KNL1: variants seen among roughly 807,000 people sequenced by gnomAD.
KNL1 encodes outer kinetochore KNL1 complex subunit KNL1.
KNL1 carries 66 observed loss-of-function variants against 201.3 expected under a neutral mutation model. The observed-to-expected ratio is 0.33, with a 90% CI of 0.27 to 0.40. The LOEUF is 0.40. KNL1 is among the 10% of genes least tolerant of loss of function. The probability of loss-of-function intolerance (pLI) is 1.00; values close to 1 mark genes in which losing one functional copy is unlikely to be tolerated. For missense variants in KNL1, 2,815 were observed against 2,690.5 expected (o/e 1.05, Z -1.02); for synonymous variants, 895 against 899.2 (o/e 1.00, Z 0.08).
At chr15:40,659,932 G>GTGTGTGTGTGT (rs1555423685) in intron 25 of KNL1, among the ~76,000 whole-genome samples, 1 of 147,240 alleles carries the variant, frequency 6.8e-6, no homozygotes, top group Non-Finnish European at 1.5e-5. Context: ...GTGTGTTTGA[G>GTGTGTGTGTGT]ATGGAGTCTC....
intron 20 of KNL1, 68 bp from the exon 21 acceptor site, chr15:40,651,937 G>A: frequency 1.0e-6 from 1 of 979,860 alleles, no homozygotes; most frequent in Non-Finnish European, 1.6e-6. Context: ...TGTTTGGGTG[G>A]TATCAGAAGT....
intron 14 of KNL1, among the ~76,000 whole-genome samples, chr15:40,642,260 G>A (rs1338676643): frequency 2.0e-5 from 3 of 151,958 alleles, no homozygotes; most frequent in African/African-American, 4.8e-5. Context: ...TTAGCCGGGC[G>A]CGGTAGCAGG....
rs879381849 is a variant in KNL1 at position 40,602,193 on chromosome 15, AT to A, written c.-17-709del. On this transcript the variant is annotated intron_variant, in intron 1 of 25. Transcript: ENST00000399668. ...AGGCGCCCGCCACCGCGCCCAGCTA[AT>A]TTTTTTTTTTTTCTATTTTTAGTAG... 1.0e-3 allele frequency among the ~76,000 whole-genome samples: 144 copies of A among 141,004 alleles called. 1 individual carries two copies. Among genetic ancestry groups the A allele is most frequent in the Middle Eastern group, 7.5e-3 (2 of 268 alleles). The allele number at this position is 141,004 out of a possible 152,430, so 92.5% of individuals were successfully genotyped here.
At chr15:40,653,349 C>T (rs545890239) in intron 21 of KNL1, among the ~76,000 whole-genome samples, 58 of 152,164 alleles carry the variant, frequency 3.8e-4, no homozygotes, top group Middle Eastern at 6.8e-3. Flanking sequence ...CCACCACACC[C>T]GGCTAATTTT....
chr15:40,627,302 C>G (rs1351244604), intron 10 of KNL1, among the ~76,000 whole-genome samples: 1 of 152,152 alleles, frequency 6.6e-6, no homozygotes, highest in Non-Finnish European at 1.5e-5. Flanking sequence ...ATCACGAGAT[C>G]AGGAGATCAA....
At chr15:40,659,622 A>G (rs1460790699) in intron 25 of KNL1, among the ~76,000 whole-genome samples, 161 bp downstream of exon 25, 2 of 151,584 alleles carry the variant, frequency 1.3e-5, no homozygotes, top group African/African-American at 4.8e-5. Flanking sequence ...CCTCCTGAGT[A>G]GCTGGGACTA....
intron 21 of KNL1, among the ~76,000 whole-genome samples, chr15:40,654,048 T>C (rs1893649270): frequency 6.6e-6 from 1 of 152,178 alleles, no homozygotes; most frequent in Non-Finnish European, 1.5e-5. Flanking sequence ...TCTCCCTGAG[T>C]TGTAAGCTTG....
intron 12 of KNL1, among the ~76,000 whole-genome samples, 173 bp downstream of exon 12, chr15:40,628,851 A>G (rs1316162977): frequency 6.6e-6 from 1 of 152,162 alleles, no homozygotes; most frequent in Non-Finnish European, 1.5e-5. Flanking sequence ...AATTAATTAA[A>G]TGGAGTAGAA....
At chr15:40,646,778 A>T (rs1360839946) in intron 16 of KNL1, 2 of 308,976 alleles carry the variant, frequency 6.5e-6, no homozygotes, top group Admixed American at 1.0e-4. Context: ...AATGGCATGA[A>T]CCCGGGAGGC....
chr15:40,625,056 C>A lies in KNL1; in HGVS notation c.4792C>A (p.His1598Asn). ...ELGNKAHNDM[H>N]IVQATEIHNI... is the part of the protein sequence containing the mutation. ...AGGAAATAAGGCACACAATGATATG[C>A]ATATAGTGCAAGCTACAGAAATACA... is the stretch of plus-strand genomic sequence containing the variant. Residue 1598 changes from histidine (H) to asparagine (N), a missense_variant, in exon 10 of 26, where the codon CAT (histidine) becomes AAT (asparagine). His to Asn is a moderately conservative substitution (Grantham distance 68). Transcript: ENST00000399668. 6.2e-7 allele frequency: 1 copy of A among 1,613,640 alleles called. No individual in the cohort carries two copies. The highest frequency in any genetic ancestry group is 8.5e-7 in the Non-Finnish European group (1 of 1,179,738).
chr15:40,614,256 C>G (rs1332241243), intron 7 of KNL1, among the ~76,000 whole-genome samples: 1 of 152,116 alleles, frequency 6.6e-6, no homozygotes, highest in African/African-American at 2.4e-5. Context: ...CACCACCACG[C>G]CCAGCCAATT....
intron 16 of KNL1, 41 bp downstream of exon 16, chr15:40,645,813 T>A: frequency 9.6e-7 from 1 of 1,038,158 alleles, no homozygotes; most frequent in Non-Finnish European, 1.4e-6. Flanking sequence ...AGAGAGATAT[T>A]AAAATTACTT....
intron 14 of KNL1, among the ~76,000 whole-genome samples, chr15:40,644,686 A>G (rs1407147124): frequency 6.6e-6 from 1 of 152,108 alleles, no homozygotes; most frequent in African/African-American, 2.4e-5. Context: ...ACTAGAGAAT[A>G]GCGATGACTT....
Position 40,651,583 on chromosome 15 carries a change from G to T in KNL1, c.6314+11G>T, listed in dbSNP as rs745708260. On this transcript the variant is annotated intron_variant, in intron 20 of 25. Coordinates refer to ENST00000399668, the MANE Select transcript of KNL1 (RefSeq NM_144508.5). ...ACTGGATCAGTTGAGGTAAGGAAATGCAGGCATCATTTGTTTGTGTTTTAT... is the reference window on the plus strand; with the variant it reads ...ACTGGATCAGTTGAGGTAAGGAAATTCAGGCATCATTTGTTTGTGTTTTAT... 6 of 1,551,156 alleles carry T rather than the reference G, an allele frequency of 3.9e-6. No homozygotes were observed. Among genetic ancestry groups the T allele is most frequent in the African/African-American group, 1.4e-5 (1 of 72,750 alleles).
chr15:40,634,670 C>G (rs981128784), intron 13 of KNL1, among the ~76,000 whole-genome samples: 1 of 151,942 alleles, frequency 6.6e-6, no homozygotes, highest in African/African-American at 2.4e-5. Context: ...AGGTGTGCAT[C>G]CAGGGGCTGA....
At chr15:40,597,153 G>T (rs1179869596) in intron 1 of KNL1, among the ~76,000 whole-genome samples, 1 of 152,130 alleles carries the variant, frequency 6.6e-6, no homozygotes, top group East Asian at 1.9e-4. Context: ...CAGAACTGCT[G>T]TGCATCTCTC....
chr15:40,645,685 A>T lies in KNL1; in HGVS notation c.5919A>T (p.Lys1973Asn). Residue 1973 changes from lysine (K) to asparagine (N), a missense_variant, in exon 16 of 26, where the codon AAA becomes AAT. Around this residue, in one of 3 missense-constraint regions of KNL1, gnomAD observed 17 missense variants for 36.2 expected, o/e 0.47. Transcript: ENST00000399668. ...ELKAFGIYLN[K>N]IKSCFTKMTK... The stretch of plus-strand genomic sequence containing the variant: ...AGGCCTTTGGAATTTATCTTAACAA[A>T]ATAAAGTCATGTTTTACCAAGATGA... The T allele has an allele frequency of 6.2e-7, 1 of 1,607,882 alleles. No individual in the cohort carries two copies. Among genetic ancestry groups the T allele is most frequent in the Non-Finnish European group, 8.5e-7 (1 of 1,177,936 alleles).
chr15:40,643,473 T>G (rs1021726654), intron 14 of KNL1, among the ~76,000 whole-genome samples: 6 of 152,130 alleles, frequency 3.9e-5, no homozygotes, highest in Non-Finnish European at 7.3e-5. Flanking sequence ...CGGGAACTTT[T>G]ATTAAAATAA....
Position 40,646,999 on chromosome 15 carries a change from A to G in KNL1, c.6019A>G (p.Lys2007Glu), listed in dbSNP as rs1893408754. The change falls in exon 17 of 26, where the codon AAA (lysine) becomes GAA (glutamate). Residue 2007 changes from lysine (K) to glutamate (E), a missense_variant. By Grantham distance (56) the Lys-to-Glu change is moderately conservative. Coordinates refer to ENST00000399668, the MANE Select transcript of KNL1 (RefSeq NM_144508.5). ...CTTTTGTATTTAGAATGAGAGGGAGAAACTTCAAATAAAGATAGATGAGAT... is the reference window on the plus strand; with the variant it reads ...CTTTTGTATTTAGAATGAGAGGGAGGAACTTCAAATAAAGATAGATGAGAT... ...LVQSAQNERE[K>E]LQIKIDEMDK... The G allele has an allele frequency of 3.5e-6, 5 of 1,444,984 alleles. No homozygotes were observed. In the East Asian group the frequency reaches 1.1e-4, roughly 33 times the overall value. 89.5% of individuals were successfully genotyped at this position (1,444,984 alleles called of 1,614,324 possible). A position where few individuals can be genotyped will look rare whatever the true frequency, so the allele number is the denominator to read the frequency against.
Sources: allele counts gnomAD v4.1 joint callset (sites outside exome capture counted in the v4.1 genomes callset), GRCh38; gene constraint gnomAD v4.1.1; regional missense constraint gnomAD v4.1.1; transcripts MANE v1.5; gene names NCBI Gene and HGNC (gene_info 2026-07-23, HGNC 2026-07-21).